TBC1D8: variants seen among roughly 807,000 people sequenced by gnomAD.
TBC1D8 encodes BUB2-like protein 1.
A neutral mutation model predicts 118.8 loss-of-function variants in TBC1D8; 65 were observed. That is an observed-to-expected ratio of 0.55 (90% CI 0.45 to 0.67). The LOEUF (loss-of-function observed/expected upper bound fraction) is 0.67. Ranked by LOEUF, TBC1D8 falls within the 30% of genes least tolerant of loss-of-function variation. The probability of loss-of-function intolerance (pLI) is 0.00; values close to 1 mark genes in which losing one functional copy is unlikely to be tolerated. For synonymous variants in TBC1D8, 566 were observed against 595.8 expected, an observed-to-expected ratio of 0.95 and a Z score of 0.73; for missense variants, 1,376 against 1,471.2, an observed-to-expected ratio of 0.94 and a Z score of 1.06.
At chr2:101,121,459 G>A (rs1047086354) in intron 1 of TBC1D8, among the ~76,000 whole-genome samples, 3 of 152,208 alleles carry the variant, frequency 2.0e-5, no homozygotes, top group African/African-American at 7.2e-5. Context: ...AGTGGGAGAG[G>A]GACTGGCACT....
Position 101,037,608 on chromosome 2 carries a change from T to C in TBC1D8, c.1376A>G (p.Lys459Arg). ...SQNSEESEKE[K>R]SPLMHPDALV... The stretch of plus-strand genomic sequence containing the variant: ...GGCATCGGGGTGCATCAGCGGGCTC[T>C]TCTCTTTCTCACTCTCCTCGCTATT... The change falls in exon 8 of 20, where the codon AAG becomes AGG. Residue 459 changes from lysine (K) to arginine (R), a missense_variant. Transcript: ENST00000409318. The C allele has an allele frequency of 3.1e-6, 5 of 1,613,862 alleles. No homozygotes were observed. The highest frequency in any genetic ancestry group is 4.2e-6 in the Non-Finnish European group (5 of 1,179,888).
chr2:101,018,696 C>G (rs1679834166), intron 17 of TBC1D8, among the ~76,000 whole-genome samples: 1 of 152,210 alleles, frequency 6.6e-6, no homozygotes, highest in Non-Finnish European at 1.5e-5. Flanking sequence ...TGTGAGGGGT[C>G]CTCATAGGTT....
intron 3 of TBC1D8, among the ~76,000 whole-genome samples, chr2:101,055,016 A>G (rs1175802952): frequency 6.6e-6 from 1 of 152,078 alleles, no homozygotes; most frequent in East Asian, 1.9e-4. Flanking sequence ...CCCTATAGGC[A>G]TATGAGGGTA....
chr2:101,028,679 C>T (rs1290431836), intron 12 of TBC1D8: 2 of 436,050 alleles, frequency 4.6e-6, no homozygotes, highest in Non-Finnish European at 8.1e-6. Context: ...CAACATTCTG[C>T]GCATACATGC....
chr2:101,033,503 C>G (rs775966648), intron 10 of TBC1D8, 41 bp downstream of exon 10: 2 of 1,610,740 alleles, frequency 1.2e-6, no homozygotes, highest in African/African-American at 1.3e-5. Flanking sequence ...CATGAGACAC[C>G]AACTAAAGAC....
In TBC1D8 at chr2:101,089,559, AAGG is replaced by A. The variant is rs781633660; in HGVS notation, c.283+647_283+649del. The stretch of plus-strand genomic sequence containing the variant: ...CCTGTGATAGGAACAGAAACCCCAG[AAGG>A]AGAAGATGAGCAGGTGGTTTCCACC... On this transcript the variant is annotated intron_variant, in intron 2 of 19. Transcript: ENST00000409318. Among the ~76,000 whole-genome samples the A allele has an allele frequency of 3.3e-5, 5 of 152,158 alleles. No individual in the cohort carries two copies. In the East Asian group the frequency reaches 9.6e-4, roughly 29 times the overall value.
rs940273286 is a variant in TBC1D8, at chr2:101,054,292, C to T, written c.447G>A (p.Glu149=). ...EETSSRLAEQ[E]EEPEKFREAL... ...CTTCTCGGAATTTCTCGGGTTCCTC[C>T]TCCTGCTCGGCGAGCCTGCTGCTGG... The change falls in exon 4 of 20, where the codon GAG becomes GAA. Residue 149 remains glutamate (E), a synonymous_variant. Transcript: ENST00000409318. 1.3e-6 allele frequency: 2 copies of T among 1,585,138 alleles called. No homozygotes were observed. The highest frequency in any genetic ancestry group is 1.3e-5 in the African/African-American group (1 of 74,358).
intron 2 of TBC1D8, among the ~76,000 whole-genome samples, chr2:101,083,793 A>G (rs995630870): frequency 6.6e-6 from 1 of 152,120 alleles, no homozygotes; most frequent in African/African-American, 2.4e-5. Flanking sequence ...TTTGGGCTTT[A>G]TCTGAGACTT....
At chr2:101,098,261 A>AG (rs1676598030) in intron 1 of TBC1D8, among the ~76,000 whole-genome samples, 1 of 151,770 alleles carries the variant, frequency 6.6e-6, no homozygotes, top group African/African-American at 2.4e-5. Context: ...GTGTGGTGGC[A>AG]GGGGCTACTC....
chr2:101,105,604 A>AAAC (rs1247415125), intron 1 of TBC1D8, among the ~76,000 whole-genome samples: 4 of 137,058 alleles, frequency 2.9e-5, no homozygotes, highest in African/African-American at 8.3e-5. Flanking sequence ...AAAAAAAAAA[A>AAAC]AAAACATATA....
chr2:101,090,905 C>G (rs1002189992), intron 1 of TBC1D8, among the ~76,000 whole-genome samples: 33 of 152,268 alleles, frequency 2.2e-4, no homozygotes, highest in South Asian at 1.0e-3. Flanking sequence ...TCTATGTCAC[C>G]CATTATTATT....
intron 1 of TBC1D8, among the ~76,000 whole-genome samples, chr2:101,113,908 C>T (rs1347926996): frequency 6.6e-6 from 1 of 152,196 alleles, no homozygotes; most frequent in South Asian, 2.1e-4. Flanking sequence ...ATGAGTCTGC[C>T]TGTTTCATCA....
In TBC1D8 at chr2:101,033,501, A is replaced by G. The variant is rs770053371; in HGVS notation, c.1818+43T>C. 2.4e-5 allele frequency: 39 copies of G among 1,610,024 alleles called. No individual in the cohort carries two copies. In the South Asian group the frequency reaches 3.7e-4, roughly 15 times the overall value. On this transcript the variant is annotated intron_variant, in intron 10 of 19. Transcript: ENST00000409318. Reference sequence around the variant, plus strand: ...AACCCTGGGAAGGACAACATGAGACACCAACTAAAGACTCTCTGCGCCCCA... The same window carrying G: ...AACCCTGGGAAGGACAACATGAGACGCCAACTAAAGACTCTCTGCGCCCCA...
intron 5 of TBC1D8, among the ~76,000 whole-genome samples, chr2:101,043,977 G>A (rs1024019363): frequency 2.6e-5 from 4 of 151,984 alleles, no homozygotes; most frequent in Admixed American, 6.6e-5. Context: ...AGGTGCTCCC[G>A]TATCTGAGGC....
intron 9 of TBC1D8, among the ~76,000 whole-genome samples, chr2:101,035,082 G>C (rs1301602584): frequency 6.6e-6 from 1 of 152,198 alleles, no homozygotes; most frequent in Non-Finnish European, 1.5e-5. Context: ...GAACCAGAAA[G>C]AGGCTGATAG....
At position 101,140,611 on chromosome 2, in the gene TBC1D8, A is replaced by G. The variant is rs1485632185; in HGVS notation, c.127+10516T>C. ...TACAGGTACGTGTCAATCAGCATAT[A>G]ATTCTGCAAGGCTCATGAGAAACAC... On this transcript the variant is annotated intron_variant, in intron 1 of 19. Transcript: ENST00000409318. 1.1e-4 allele frequency among the ~76,000 whole-genome samples: 17 copies of G among 152,034 alleles called. No individual in the cohort carries two copies. The East Asian group carries it at 3.3e-3, about 29-fold the overall frequency.
In TBC1D8 at chr2:101,010,606, C is replaced by G. The variant is rs185849347; in HGVS notation, c.3015+323G>C. Among the ~76,000 whole-genome samples, 9 of 147,602 alleles carry G rather than the reference C, an allele frequency of 6.1e-5. No homozygotes were observed. In the East Asian group the frequency reaches 1.8e-3, roughly 30 times the overall value. On this transcript the variant is annotated intron_variant, in intron 19 of 19. Coordinates refer to ENST00000409318, the MANE Select transcript of TBC1D8 (RefSeq NM_001330348.2). ...TCTGAAAAAACAGTTAATTCTCGGTCGGGCGCGGTGGCTCAAACCTGTAAT... is the reference window on the plus strand; with the variant it reads ...TCTGAAAAAACAGTTAATTCTCGGTGGGGCGCGGTGGCTCAAACCTGTAAT...
intron 1 of TBC1D8, among the ~76,000 whole-genome samples, chr2:101,102,078 G>C (rs1676879668): frequency 7.0e-6 from 1 of 143,444 alleles, no homozygotes; most frequent in African/African-American, 2.6e-5. Flanking sequence ...GAGGGGAGGG[G>C]AGAGACAGAA....
chr2:101,137,457 C>T (rs370083316), intron 1 of TBC1D8, among the ~76,000 whole-genome samples: 140 of 152,232 alleles, frequency 9.2e-4, no homozygotes, highest in African/African-American at 3.2e-3. Context: ...GGACTACAGG[C>T]GCCCGCCACC....
Sources: gnomAD v4.1 joint callset for allele counts (sites outside exome capture counted in the v4.1 genomes callset) on GRCh38, gnomAD v4.1.1 for gene constraint, MANE v1.5 for transcripts, NCBI Gene and HGNC (gene_info 2026-07-23, HGNC 2026-07-21) for gene names.